Variants in LRRK2 observed in about 807,000 individuals in gnomAD.
The protein encoded by LRRK2 is leucine-rich repeat serine/threonine-protein kinase 2.
A neutral mutation model predicts 302.6 loss-of-function variants in LRRK2; 203 were observed. The observed-to-expected ratio is 0.67, with a 90% confidence interval of 0.60 to 0.75. LRRK2 has a LOEUF of 0.75. LRRK2 is among the 30% of genes least tolerant of loss of function. The pLI is 0.00. For missense variants in LRRK2, 2,830 were observed against 2,951.0 expected (o/e 0.96, Z 0.95); for synonymous variants, 1,066 against 1,031.9 (o/e 1.03, Z -0.63).
intron 46 of LRRK2, among the ~76,000 whole-genome samples, chr12:40,356,883 T>TA (rs1298808146): frequency 1.3e-5 from 2 of 152,222 alleles, no homozygotes; most frequent in Non-Finnish European, 2.9e-5. Context: ...ATAGAATGTG[T>TA]AATGATCAAG....
intron 14 of LRRK2, among the ~76,000 whole-genome samples, chr12:40,273,159 T>A (rs1276740814): frequency 6.6e-6 from 1 of 152,196 alleles, no homozygotes; most frequent in Non-Finnish European, 1.5e-5. Context: ...AACTTTGAAT[T>A]TCTTTATATT....
chr12:40,294,132 CATCTATCT>C (rs72446556), intron 21 of LRRK2, among the ~76,000 whole-genome samples: 29,387 of 149,020 alleles, frequency 0.2, 2,943 homozygotes, highest in Admixed American at 0.22. Context: ...ATCTATCTAT[CATCTATCT>C]ATCTATCTAT....
intron 23 of LRRK2, among the ~76,000 whole-genome samples, chr12:40,297,435 G>A (rs1383491429): frequency 6.6e-6 from 1 of 152,116 alleles, no homozygotes; most frequent in Non-Finnish European, 1.5e-5. Context: ...AACATTTCCT[G>A]ATTAAACCTT....
chr12:40,253,806 C>G (rs1237878537), intron 11 of LRRK2, among the ~76,000 whole-genome samples: 1 of 152,200 alleles, frequency 6.6e-6, no homozygotes, highest in Non-Finnish European at 1.5e-5. Flanking sequence ...TAGTAAACAC[C>G]AGTGATCACT....
In LRRK2 at chr12:40,359,345, C is replaced by T. The variant is rs200002022; in HGVS notation, c.6929C>T (p.Thr2310Met). ...LMCLSESTNS[T>M]ERNVMWGGCG... ...TGTTTGAGTGAATCCACAAATTCAA[C>T]GGAAAGAAATGTAATGTGGGGAGGA... is the stretch of plus-strand genomic sequence containing the variant. The change falls in exon 47 of 51, where the codon ACG becomes ATG. Residue 2310 changes from threonine to methionine, a missense_variant. Thr to Met is a moderately conservative substitution (Grantham distance 81). Transcript: ENST00000298910. 7.3e-5 allele frequency: 117 copies of T among 1,612,726 alleles called. No individual in the cohort carries two copies. In the Middle Eastern group the frequency reaches 2.3e-3, roughly 32 times the overall value.
chr12:40,310,077 G>A (rs568269224), intron 30 of LRRK2, among the ~76,000 whole-genome samples: 5 of 152,062 alleles, frequency 3.3e-5, no homozygotes, highest in East Asian at 3.9e-4. Context: ...ACTATATGAC[G>A]TTAATTTGAT....
chr12:40,284,963 G>C (rs1023198950), intron 19 of LRRK2, among the ~76,000 whole-genome samples: 1 of 152,084 alleles, frequency 6.6e-6, no homozygotes, highest in Non-Finnish European at 1.5e-5. Flanking sequence ...ACTGAGTGCT[G>C]CTAGAGAAAA....
intron 45 of LRRK2, 47 bp downstream of exon 45, chr12:40,354,539 C>T (rs199866220): frequency 1.5e-4 from 227 of 1,517,744 alleles, no homozygotes; most frequent in South Asian, 6.7e-4. Context: ...ATCTTTTAAA[C>T]GACTGAATTG....
chr12:40,342,662 A>C (rs1323987629), intron 41 of LRRK2, among the ~76,000 whole-genome samples: 1 of 152,162 alleles, frequency 6.6e-6, no homozygotes, highest in Admixed American at 6.5e-5. Context: ...TCCCCAAAGC[A>C]GTTCTGTTTG....
At position 40,354,299 on chromosome 12, in the gene LRRK2, GA is replaced by G; in HGVS notation, c.6579del (p.Val2194LeufsTer9). ...TAAGTATATTTTCTTTTCTTAACAG[GA>G]AGTTGCTGATAGTAGAATATTGTGC... ...DLNTEGYTSE[E>X]VADSRILCLA... is the part of the protein sequence containing the mutation. On this transcript the variant is annotated frameshift_variant and splice_region_variant, in exon 45 of 51. Coordinates refer to ENST00000298910, the MANE Select transcript of LRRK2 (RefSeq NM_198578.4). LOFTEE classifies it high-confidence loss of function. 6.2e-7 allele frequency: 1 copy of G among 1,613,572 alleles called. No individual in the cohort carries two copies. The highest frequency in any genetic ancestry group is 2.2e-5 in the East Asian group (1 of 44,848).
At chr12:40,265,561 A>T (rs556078187) in intron 14 of LRRK2, among the ~76,000 whole-genome samples, 1 of 152,186 alleles carries the variant, frequency 6.6e-6, no homozygotes, top group Admixed American at 6.5e-5. Context: ...ACTAGTAAGC[A>T]TATTCTAGGT....
chr12:40,358,481 G>T (rs939695392), intron 46 of LRRK2, among the ~76,000 whole-genome samples: 1 of 152,134 alleles, frequency 6.6e-6, no homozygotes, highest in African/African-American at 2.4e-5. Flanking sequence ...TTTATTGAAG[G>T]TGGTATTCTT....
intron 13 of LRRK2, among the ~76,000 whole-genome samples, chr12:40,260,738 A>G (rs1942734903): frequency 2.6e-5 from 4 of 152,248 alleles, no homozygotes; most frequent in African/African-American, 7.2e-5. Flanking sequence ...TTGGAGGTCC[A>G]TGGTAGTCAA....
Position 40,322,139 on chromosome 12 carries a change from C to A in LRRK2, c.5275C>A (p.Pro1759Thr). 1 of 1,612,570 alleles carries A rather than the reference C, an allele frequency of 6.2e-7. No individual in the cohort carries two copies. Among genetic ancestry groups the A allele is most frequent in the Non-Finnish European group, 8.5e-7 (1 of 1,179,164 alleles). Residue 1759 changes from proline to threonine, a missense_variant, in exon 36 of 51, where the codon CCA (proline) becomes ACA (threonine). Physicochemically the swap from Pro to Thr is conservative, Grantham distance 38. Around this residue, in one of 3 missense-constraint regions of LRRK2, gnomAD observed 2,121 missense variants for 2,148.0 expected, o/e 0.99. Coordinates refer to ENST00000298910, the MANE Select transcript of LRRK2 (RefSeq NM_198578.4). Reference protein sequence around the residue: ...LVGSEVLDNHPESFLKITVPS... With the variant: ...LVGSEVLDNHTESFLKITVPS... Reference sequence around the variant, plus strand: ...AGGATCTGAAGTCTTAGACAATCATCCAGAGAGTTTCTTAAAAATTACAGT... The same window carrying A: ...AGGATCTGAAGTCTTAGACAATCATACAGAGAGTTTCTTAAAAATTACAGT...
intron 31 of LRRK2, among the ~76,000 whole-genome samples, chr12:40,313,245 T>TA (rs869212025): frequency 1.3e-5 from 2 of 152,042 alleles, no homozygotes; most frequent in Non-Finnish European, 2.9e-5. Context: ...AATTATATTT[T>TA]AAAAAACGTT....
chr12:40,300,695 AG>A, intron 25 of LRRK2: 1 of 432,134 alleles, frequency 2.3e-6, no homozygotes, highest in Non-Finnish European at 4.8e-6. Flanking sequence ...TAGTAAGCAA[AG>A]CAAACTCGGT....
At chr12:40,258,114 A>C (rs1481858034) in intron 12 of LRRK2, among the ~76,000 whole-genome samples, 4 of 152,188 alleles carry the variant, frequency 2.6e-5, no homozygotes, top group African/African-American at 9.7e-5. Flanking sequence ...AACAACTTTG[A>C]AAGTTGTAAG....
In LRRK2 at chr12:40,298,357, G is replaced by A; in HGVS notation, c.3211G>A (p.Gly1071Arg). The A allele has an allele frequency of 6.2e-7, 1 of 1,613,850 alleles. No homozygotes were observed. Among genetic ancestry groups the A allele is most frequent in the South Asian group, 1.1e-5 (1 of 91,074 alleles). The change falls in exon 24 of 51, where the codon GGA (glycine) becomes AGA (arginine). Residue 1071 changes from glycine (G) to arginine (R), a missense_variant. Physicochemically the swap from Gly to Arg is moderately radical, Grantham distance 125. Transcript: ENST00000298910. ...ANLDVSRNDI[G>R]PSVVLDPTVK... ...TCTTGATGTCTCTCGAAATGACATT[G>A]GACCCTCAGTGGTTTTAGATCCTAC...
intron 5 of LRRK2, 108 bp downstream of exon 5, chr12:40,238,211 T>C (rs1592143540): frequency 8.6e-7 from 1 of 1,162,320 alleles, no homozygotes; most frequent in Non-Finnish European, 1.2e-6. Context: ...AATCCTACTA[T>C]TTATTAAGAA....
Sources: allele counts gnomAD v4.1 joint callset (sites outside exome capture counted in the v4.1 genomes callset), GRCh38; gene constraint gnomAD v4.1.1; regional missense constraint gnomAD v4.1.1; transcripts MANE v1.5; gene names NCBI Gene and HGNC (gene_info 2026-07-23, HGNC 2026-07-21).